ACACA: variants seen among roughly 807,000 people sequenced by gnomAD.
The protein encoded by ACACA is acetyl-CoA carboxylase 1.
ACACA carries 103 observed loss-of-function variants against 296.1 expected under a neutral mutation model. That is an observed-to-expected ratio of 0.35 (90% confidence interval 0.30 to 0.41). The LOEUF is 0.41. Ranked by LOEUF, ACACA falls within the 10% of genes least tolerant of loss-of-function variation. ACACA has a pLI of 1.00. For missense variants in ACACA, 1,554 were observed against 2,989.7 expected, an observed-to-expected ratio of 0.52 and a Z score of 11.20; for synonymous variants, 953 against 1,038.6, an observed-to-expected ratio of 0.92 and a Z score of 1.58.
intron 42 of ACACA, among the ~76,000 whole-genome samples, chr17:37,156,702 A>T (rs193112490): frequency 1.1e-4 from 16 of 152,360 alleles, no homozygotes; most frequent in Admixed American, 6.5e-4. Flanking sequence ...GCCACATACA[A>T]AGTAGAGTTA....
At chr17:37,355,187 G>A (rs771044981) in intron 1 of ACACA, among the ~76,000 whole-genome samples, 4 of 149,444 alleles carry the variant, frequency 2.7e-5, no homozygotes, top group Non-Finnish European at 5.9e-5. Context: ...TGGTTGCAGT[G>A]AGCCGAGATC....
chr17:37,174,025 T>TTG (rs2077011317), intron 41 of ACACA, among the ~76,000 whole-genome samples: 1 of 66,166 alleles, frequency 1.5e-5, no homozygotes, highest in Admixed American at 1.5e-4. Context: ...TATATATTTT[T>TTG]TTTTTTTTTT....
intron 6 of ACACA, 119 bp from the exon 7 acceptor site, chr17:37,277,233 A>C (rs1351598717): frequency 1.2e-6 from 1 of 861,328 alleles, no homozygotes; most frequent in African/African-American, 1.7e-5. Flanking sequence ...CAGCAGCCTA[A>C]TGCTTAATTC....
intron 45 of ACACA, among the ~76,000 whole-genome samples, chr17:37,137,038 A>G (rs974189778): frequency 6.6e-6 from 1 of 152,050 alleles, no homozygotes; most frequent in African/African-American, 2.4e-5. Context: ...ATGACTAATG[A>G]TAAGCATCTT....
intron 52 of ACACA, among the ~76,000 whole-genome samples, chr17:37,109,662 G>A (rs1365818536): frequency 1.3e-5 from 2 of 152,310 alleles, no homozygotes; most frequent in Admixed American, 6.5e-5. Flanking sequence ...TATCACTTGG[G>A]AGTCTCCTCC....
chr17:37,202,024 T>C (rs140126562), intron 33 of ACACA, among the ~76,000 whole-genome samples: 5 of 152,146 alleles, frequency 3.3e-5, no homozygotes, highest in African/African-American at 1.2e-4. Context: ...TTTAACTGCA[T>C]TAAAAAATTA....
chr17:37,301,470 C>G, intron 3 of ACACA: 1 of 879,200 alleles, frequency 1.1e-6, no homozygotes. Flanking sequence ...ACCCGGCAGA[C>G]AGTGATGCAT....
chr17:37,313,502 A>C (rs930626549), intron 3 of ACACA, among the ~76,000 whole-genome samples: 3 of 152,210 alleles, frequency 2.0e-5, no homozygotes, highest in East Asian at 1.9e-4. Context: ...TCCAATTTTA[A>C]AATAGGCAAA....
At position 37,086,867 on chromosome 17, in the gene ACACA, CCTT is replaced by C. The variant is rs1409310314; in HGVS notation, c.*446_*448del. On this transcript the variant is annotated 3_prime_UTR_variant, in exon 56 of 56. Transcript: ENST00000616317. ...CAATGGACTTGAGGCTTCCTCCTCT[CCTT>C]AGCCCTCCTCTGCTGCCTGTGGCTG... 2 of 262,788 alleles carry C rather than the reference CCTT, an allele frequency of 7.6e-6. No homozygotes were observed. Among genetic ancestry groups the C allele is most frequent in the African/African-American group, 4.4e-5 (2 of 45,800 alleles). The allele number at this position is 262,788 out of a possible 1,614,324, so 16.3% of individuals were successfully genotyped here.
chr17:37,141,597 C>T (rs1393257306), intron 45 of ACACA, among the ~76,000 whole-genome samples: 1 of 152,174 alleles, frequency 6.6e-6, no homozygotes, highest in African/African-American at 2.4e-5. Context: ...TGTATTATGC[C>T]TTCCATTTCA....
intron 38 of ACACA, among the ~76,000 whole-genome samples, chr17:37,190,477 G>C (rs2077709816): frequency 6.6e-6 from 1 of 151,920 alleles, no homozygotes; most frequent in Admixed American, 6.6e-5. Context: ...CAGAAACAGA[G>C]AGCAGCCTGT....
chr17:37,369,182 A>G (rs572511915), intron 1 of ACACA, among the ~76,000 whole-genome samples: 2 of 152,320 alleles, frequency 1.3e-5, no homozygotes, highest in South Asian at 2.1e-4. Context: ...CAAAAAATGT[A>G]TGTTTCCTGC....
intron 1 of ACACA, among the ~76,000 whole-genome samples, chr17:37,394,304 G>A (rs979645084): frequency 1.1e-4 from 17 of 151,116 alleles, no homozygotes; most frequent in African/African-American, 3.9e-4. Flanking sequence ...TCTGCTTCCC[G>A]GGTTCAAACT....
intron 1 of ACACA, among the ~76,000 whole-genome samples, chr17:37,358,690 C>G (rs1348434401): frequency 6.6e-6 from 1 of 152,202 alleles, no homozygotes; most frequent in Admixed American, 6.5e-5. Context: ...GGGTGGCGGG[C>G]GAGCTCCAGG....
chr17:37,087,201 C>A lies in ACACA; in HGVS notation c.*115G>T. On this transcript the variant is annotated 3_prime_UTR_variant, in exon 56 of 56. Coordinates refer to ENST00000616317, the MANE Select transcript of ACACA (RefSeq NM_198834.3). ...CCTGAAACGAGAGGAAGTAAAATGCCATTTGACTCCAGTGCTGGGTCTCCT... is the reference window on the plus strand; with the variant it reads ...CCTGAAACGAGAGGAAGTAAAATGCAATTTGACTCCAGTGCTGGGTCTCCT... 1 of 1,438,942 alleles carries A rather than the reference C, an allele frequency of 6.9e-7. No homozygotes were observed. Among genetic ancestry groups the A allele is most frequent in the Non-Finnish European group, 9.7e-7 (1 of 1,029,690 alleles). The allele number at this position is 1,438,942 out of a possible 1,614,324, so 89.1% of individuals were successfully genotyped here.
At chr17:37,278,904 G>A (rs2082384353) in intron 5 of ACACA, among the ~76,000 whole-genome samples, 1 of 152,016 alleles carries the variant, frequency 6.6e-6, no homozygotes, top group Non-Finnish European at 1.5e-5. Context: ...CAGGATACAT[G>A]TGCAGGACAT....
At position 37,183,128 on chromosome 17, in the gene ACACA, C is replaced by T. The variant is rs373805440; in HGVS notation, c.4777-1772G>A. Among the ~76,000 whole-genome samples, 91 of 152,236 alleles carry T rather than the reference C, an allele frequency of 6.0e-4. No individual in the cohort carries two copies. In the Middle Eastern group the frequency reaches 0.01, roughly 17 times the overall value. ...AATCAAAATAAGAAAATGGGGTAAACGCAGCAGGTTCCTAGAACTACATTT... is the reference window on the plus strand; with the variant it reads ...AATCAAAATAAGAAAATGGGGTAAATGCAGCAGGTTCCTAGAACTACATTT... On this transcript the variant is annotated intron_variant, in intron 39 of 55. Coordinates refer to ENST00000616317, the MANE Select transcript of ACACA (RefSeq NM_198834.3).
chr17:37,357,366 G>T (rs574433067), intron 1 of ACACA, among the ~76,000 whole-genome samples: 1 of 152,104 alleles, frequency 6.6e-6, no homozygotes, highest in East Asian at 1.9e-4. Flanking sequence ...AGTGGCGCAC[G>T]CGTGTAATCC....
intron 50 of ACACA, among the ~76,000 whole-genome samples, chr17:37,114,531 TAAAAAAA>T (rs60963286): frequency 2.4e-5 from 3 of 122,840 alleles, no homozygotes; most frequent in Non-Finnish European, 5.2e-5. Flanking sequence ...GCCCTGCCTT[TAAAAAAA>T]AAAAAAAAAA....
Sources: gnomAD v4.1 joint callset for allele counts (sites outside exome capture counted in the v4.1 genomes callset) on GRCh38, gnomAD v4.1.1 for gene constraint, MANE v1.5 for transcripts, NCBI Gene and HGNC (gene_info 2026-07-23, HGNC 2026-07-21) for gene names.